The following SLC5A10 variants were observed in gnomAD, a reference collection of about 807,000 sequenced individuals.
The protein encoded by SLC5A10 is sodium/mannose cotransporter SLC5A10.
SLC5A10 carries 55 observed loss-of-function variants against 68.9 expected under a neutral mutation model. The ratio of observed to expected loss-of-function variants is 0.80; its 90% CI spans 0.64 to 1.00. SLC5A10 has a LOEUF of 1.00. Among genes scored for constraint, SLC5A10 ranks in the 50% least tolerant of loss-of-function variants. The pLI is 0.00. For synonymous variants in SLC5A10, 344 were observed against 344.8 expected (o/e 1.00, Z 0.02); for missense variants, 732 against 819.3 (o/e 0.89, Z 1.30).
intron 9 of SLC5A10, among the ~76,000 whole-genome samples, chr17:19,009,614 T>C (rs541450765): frequency 5.9e-5 from 9 of 152,046 alleles, no homozygotes; most frequent in African/African-American, 2.2e-4. Context: ...GTGCCGGGCC[T>C]GGTTAGGGAG....
chr17:19,007,306 C>A (rs2043914433), intron 9 of SLC5A10, among the ~76,000 whole-genome samples: 1 of 151,206 alleles, frequency 6.6e-6, no homozygotes, highest in South Asian at 2.1e-4. Flanking sequence ...GGCTTATATG[C>A]CATCTGTTTG....
intron 1 of SLC5A10, among the ~76,000 whole-genome samples, chr17:18,957,532 G>A (rs1249106136): frequency 6.6e-6 from 1 of 151,918 alleles, no homozygotes; most frequent in Non-Finnish European, 1.5e-5. Context: ...GCAGTGGCAC[G>A]ATCTCGGCTC....
At position 19,017,551 on chromosome 17, in the gene SLC5A10, G is replaced by A. The variant is rs2044166143; in HGVS notation, c.1242-1872G>A. 2.9e-6 allele frequency: 2 copies of A among 682,458 alleles called. No homozygotes were observed. The highest frequency in any genetic ancestry group is 5.6e-5 in the East Asian group (2 of 35,774). 42.3% of individuals were successfully genotyped at this position (682,458 alleles called of 1,614,324 possible). A position where few individuals can be genotyped will look rare whatever the true frequency, so the allele number is the denominator to read the frequency against. The stretch of plus-strand genomic sequence containing the variant: ...GGCTCTGTCCAGCTGAGCAGAGGCT[G>A]GAGGAGCCGTCACAGGCTGGGGGAG... On this transcript the variant is annotated intron_variant, in intron 11 of 14. Coordinates refer to ENST00000395645, the MANE Select transcript of SLC5A10 (RefSeq NM_001042450.4). The surrounding 1 kb of genome is among the most constrained non-coding windows in gnomAD (Gnocchi z 5.6).
rs1001128638 is a variant in SLC5A10, at chr17:19,000,911, G to A, written c.983-12499G>A. On this transcript the variant is annotated intron_variant, in intron 9 of 14. Transcript: ENST00000395645. This position sits in a 1 kb window ranked among gnomAD's most constrained non-coding sequence, Gnocchi z 5.2. ...CCCTGTGAGCCTGGGAAGCAGCTGG[G>A]GCAGGACAGCTGGAGGACTGCAGTG... 1.3e-5 allele frequency among the ~76,000 whole-genome samples: 2 copies of A among 152,266 alleles called. No homozygotes were observed. Among genetic ancestry groups the A allele is most frequent in the African/African-American group, 2.4e-5 (1 of 41,542 alleles).
chr17:18,972,156 C>T (rs1189442370), intron 8 of SLC5A10, among the ~76,000 whole-genome samples: 1 of 152,202 alleles, frequency 6.6e-6, no homozygotes, highest in Non-Finnish European at 1.5e-5. Context: ...TGAGCTGCTT[C>T]CTGTCTCTGG....
In SLC5A10 at chr17:18,971,731, A is replaced by T; in HGVS notation, c.846+513A>T. 6.4e-7 allele frequency: 1 copy of T among 1,573,434 alleles called. No individual in the cohort carries two copies. The highest frequency in any genetic ancestry group is 8.6e-7 in the Non-Finnish European group (1 of 1,157,904). On this transcript the variant is annotated intron_variant, in intron 8 of 14. Transcript: ENST00000395645. This position sits in a 1 kb window ranked among gnomAD's most constrained non-coding sequence, Gnocchi z 5.5. ...TAGTCCCTGAGGCAGGGACCCTGTG[A>T]TGATGAAACTGCTGGCCCTGGGAGA...
At chr17:18,953,128 C>CT (rs34638037) in intron 1 of SLC5A10, among the ~76,000 whole-genome samples, 48,438 of 124,930 alleles carry the variant, frequency 0.39, 11,074 homozygotes, top group Non-Finnish European at 0.52. Context: ...AGTACCCCTT[C>CT]TTTTTTTTTT....
chr17:18,978,948 C>T, intron 9 of SLC5A10: 7 of 1,377,702 alleles, frequency 5.1e-6, no homozygotes, highest in Non-Finnish European at 5.0e-6. Context: ...ACTGTGGCCA[C>T]AGGGCCCTGG....
rs1230913584 is a variant in SLC5A10 at position 18,968,253 on chromosome 17, A to C, written c.454-799A>C. ...GAGGCTGTGTGTTGGGTCATCTCGC[A>C]TCTCCTGAGTCAAAGCAGAATGGTA... On this transcript the variant is annotated intron_variant, in intron 5 of 14. Transcript: ENST00000395645. The surrounding 1 kb of genome is among the most constrained non-coding windows in gnomAD (Gnocchi z 4.1). 1.3e-5 allele frequency among the ~76,000 whole-genome samples: 2 copies of C among 152,214 alleles called. No individual in the cohort carries two copies. Among genetic ancestry groups the C allele is most frequent in the African/African-American group, 4.8e-5 (2 of 41,454 alleles).
chr17:18,965,191 G>T (rs1275964931), intron 5 of SLC5A10, among the ~76,000 whole-genome samples: 2 of 152,240 alleles, frequency 1.3e-5, no homozygotes, highest in Middle Eastern at 3.4e-3. Context: ...GGCCCAGGGT[G>T]GGGGCAGCAG....
chr17:19,000,936 G>A lies in SLC5A10; in HGVS notation c.983-12474G>A, dbSNP rs1403620983. On this transcript the variant is annotated intron_variant, in intron 9 of 14. Coordinates refer to ENST00000395645, the MANE Select transcript of SLC5A10 (RefSeq NM_001042450.4). This position sits in a 1 kb window ranked among gnomAD's most constrained non-coding sequence, Gnocchi z 5.2. ...GGCAGGACAGCTGGAGGACTGCAGT[G>A]GCCTGGATGAGCTGCCCCTCCCAGC... is the stretch of plus-strand genomic sequence containing the variant. Among the ~76,000 whole-genome samples the A allele has an allele frequency of 6.6e-6, 1 of 152,166 alleles. No individual in the cohort carries two copies. Among genetic ancestry groups the A allele is most frequent in the Non-Finnish European group, 1.5e-5 (1 of 68,026 alleles).
chr17:18,980,696 A>G (rs1055795061), intron 9 of SLC5A10, among the ~76,000 whole-genome samples: 3 of 152,082 alleles, frequency 2.0e-5, no homozygotes, highest in Non-Finnish European at 4.4e-5. Context: ...CCTGGCTGGA[A>G]CCCAAGTGTC....
At chr17:18,972,431 C>G (rs543336290) in intron 8 of SLC5A10, among the ~76,000 whole-genome samples, 4 of 152,304 alleles carry the variant, frequency 2.6e-5, no homozygotes, top group African/African-American at 9.6e-5. Flanking sequence ...TAGGCCAGAG[C>G]ACTGAGGCCA....
chr17:19,011,664 T>TG (rs1248420784), intron 9 of SLC5A10, among the ~76,000 whole-genome samples: 2 of 150,744 alleles, frequency 1.3e-5, no homozygotes, highest in African/African-American at 4.9e-5. Flanking sequence ...GCTATGAGCC[T>TG]GGGGGGCTAA....
chr17:19,020,745 G>C lies in SLC5A10; in HGVS notation c.*314G>C. 2.7e-6 allele frequency: 1 copy of C among 371,354 alleles called. No individual in the cohort carries two copies. Among genetic ancestry groups the C allele is most frequent in the Non-Finnish European group, 5.1e-6 (1 of 196,276 alleles). The allele number at this position is 371,354 out of a possible 1,614,324, so 23.0% of individuals were successfully genotyped here. On this transcript the variant is annotated 3_prime_UTR_variant, in exon 15 of 15. Coordinates refer to ENST00000395645, the MANE Select transcript of SLC5A10 (RefSeq NM_001042450.4). Reference sequence around the variant, plus strand: ...ACACAGGCTGGGTCAGGAGCAGTGAGATTTGCCAGCACTCAGGGTTCTAAG... The same window carrying C: ...ACACAGGCTGGGTCAGGAGCAGTGACATTTGCCAGCACTCAGGGTTCTAAG...
Position 19,021,888 on chromosome 17 carries a change from G to C in SLC5A10, c.*1457G>C. ...CCCCGTGTGACTCTGACAGAGCTGG[G>C]GGTGTCCATGTCCTCTCTGGACCTC... On this transcript the variant is annotated 3_prime_UTR_variant, in exon 15 of 15. Coordinates refer to ENST00000395645, the MANE Select transcript of SLC5A10 (RefSeq NM_001042450.4). This position sits in a 1 kb window ranked among gnomAD's most constrained non-coding sequence, Gnocchi z 4.1. 1 of 1,396,302 alleles carries C rather than the reference G, an allele frequency of 7.2e-7. No individual in the cohort carries two copies. The highest frequency in any genetic ancestry group is 1.6e-5 in the South Asian group (1 of 64,318). 86.5% of individuals were successfully genotyped at this position (1,396,302 alleles called of 1,614,324 possible).
chr17:18,951,005 C>A (rs1437661016), upstream of SLC5A10: 1 of 152,294 alleles, frequency 6.6e-6, no homozygotes, highest in African/African-American at 2.4e-5. Context: ...GGGCATGAGC[C>A]ACTGCTCCTG....
chr17:18,989,771 G>A (rs1183218029), intron 9 of SLC5A10, among the ~76,000 whole-genome samples: 1 of 152,248 alleles, frequency 6.6e-6, no homozygotes. Flanking sequence ...CAGGCACCAT[G>A]GTGGTGACAG....
intron 1 of SLC5A10, among the ~76,000 whole-genome samples, chr17:18,956,477 T>G (rs1466078349): frequency 2.1e-5 from 3 of 145,252 alleles, no homozygotes; most frequent in African/African-American, 7.6e-5. Flanking sequence ...TTTTTTTTTT[T>G]TTTTTTTTTT....
Sources: allele counts gnomAD v4.1 joint callset (sites outside exome capture counted in the v4.1 genomes callset), GRCh38; gene constraint gnomAD v4.1.1; non-coding constraint Gnocchi (gnomAD v3.1); transcripts MANE v1.5; gene names NCBI Gene and HGNC (gene_info 2026-07-23, HGNC 2026-07-21).